The following IGHMBP2 variants were observed in gnomAD, a reference collection of about 807,000 sequenced individuals.
IGHMBP2 encodes immunoglobulin mu DNA binding protein 2.
In IGHMBP2, 81 loss-of-function variants were observed where a neutral mutation model predicts 96.0. The observed-to-expected ratio is 0.84, with a 90% CI of 0.71 to 1.01. IGHMBP2 has a LOEUF of 1.01. Among genes scored for constraint, IGHMBP2 ranks in the 50% least tolerant of loss-of-function variants. The pLI is 0.00. For missense variants in IGHMBP2, 1,227 were observed against 1,306.3 expected (o/e 0.94, Z 0.94); for synonymous variants, 557 against 548.9 (o/e 1.01, Z -0.21).
At chr11:68,919,197 C>A (rs1426802255) in intron 7 of IGHMBP2, among the ~76,000 whole-genome samples, 1 of 151,042 alleles carries the variant, frequency 6.6e-6, no homozygotes, top group Non-Finnish European at 1.5e-5. Flanking sequence ...CTCCCCGTCC[C>A]CGTCCCCGTC....
At chr11:68,910,425 G>A (rs376484572) in intron 4 of IGHMBP2, among the ~76,000 whole-genome samples, 32 of 152,310 alleles carry the variant, frequency 2.1e-4, no homozygotes, top group South Asian at 4.1e-4. Flanking sequence ...ACACCCTGCC[G>A]TCTTCCATGT....
intron 7 of IGHMBP2, among the ~76,000 whole-genome samples, chr11:68,919,114 A>G (rs1048675742): frequency 2.0e-5 from 3 of 151,980 alleles, no homozygotes; most frequent in South Asian, 2.1e-4. Flanking sequence ...TAGAAGTGTT[A>G]TATAGTTTCT....
intron 7 of IGHMBP2, among the ~76,000 whole-genome samples, chr11:68,921,158 T>G (rs1318440198): frequency 1.4e-5 from 2 of 140,098 alleles, no homozygotes; most frequent in Non-Finnish European, 3.0e-5. Context: ...CTCTTCTGCT[T>G]TCTTTTAATT....
intron 4 of IGHMBP2, 147 bp from the exon 5 acceptor site, chr11:68,911,293 A>C (rs1270658564): frequency 1.3e-6 from 1 of 748,744 alleles, no homozygotes; most frequent in Non-Finnish European, 2.3e-6. Flanking sequence ...AAGCAGACTT[A>C]ATTTTGTGTT....
In IGHMBP2 at chr11:68,917,632, G is replaced by A. The variant is rs926778991; in HGVS notation, c.913-104G>A. Reference sequence around the variant, plus strand: ...GGAAGATTTCTGAGTGTTTTTTACGGAGTTTATTGAACTGGACTGAATGAT... The same window carrying A: ...GGAAGATTTCTGAGTGTTTTTTACGAAGTTTATTGAACTGGACTGAATGAT... On this transcript the variant is annotated intron_variant, in intron 6 of 14. Coordinates refer to ENST00000255078, the MANE Select transcript of IGHMBP2 (RefSeq NM_002180.3). 26 of 933,356 alleles carry A rather than the reference G, an allele frequency of 2.8e-5. No homozygotes were observed. In the African/African-American group the frequency reaches 4.3e-4, roughly 15 times the overall value. The allele number at this position is 933,356 out of a possible 1,614,324, so 57.8% of individuals were successfully genotyped here.
At chr11:68,927,864 A>G (rs1859132140) in intron 7 of IGHMBP2, among the ~76,000 whole-genome samples, 1 of 152,136 alleles carries the variant, frequency 6.6e-6, no homozygotes, top group African/African-American at 2.4e-5. Context: ...CGGGGCTGGC[A>G]GGTGCTGGTT....
At position 68,908,524 on chromosome 11, in the gene IGHMBP2, C is replaced by G. The variant is rs1235169506; in HGVS notation, c.450-10C>G. On this transcript the variant is annotated splice_polypyrimidine_tract_variant and intron_variant, in intron 3 of 14. Transcript: ENST00000255078. ...GCAGGTGTTCTAATTTTAGTTTTCT[C>G]CCTTGGCAGAGCCCTGATTGCTCTA... is the stretch of plus-strand genomic sequence containing the variant. 1.9e-6 allele frequency: 3 copies of G among 1,609,776 alleles called. No homozygotes were observed. The highest frequency in any genetic ancestry group is 2.6e-6 in the Non-Finnish European group (3 of 1,176,272).
chr11:68,934,447 T>C lies in IGHMBP2; in HGVS notation c.1538-17T>C. 1 of 1,589,790 alleles carries C rather than the reference T, an allele frequency of 6.3e-7. No individual in the cohort carries two copies. The highest frequency in any genetic ancestry group is 2.3e-5 in the East Asian group (1 of 43,974). ...GGGCGACCTTGTGCTGCTCACCCGT[T>C]CTTTCTTTCCCTCCAGGCGAAGTCC... On this transcript the variant is annotated splice_polypyrimidine_tract_variant and intron_variant, in intron 10 of 14. Coordinates refer to ENST00000255078, the MANE Select transcript of IGHMBP2 (RefSeq NM_002180.3).
Position 68,906,433 on chromosome 11 carries a change from G to A in IGHMBP2, c.256+195G>A, listed in dbSNP as rs555688457. 3 of 640,916 alleles carry A rather than the reference G, an allele frequency of 4.7e-6. No individual in the cohort carries two copies. The East Asian group carries it at 8.4e-5, about 18-fold the overall frequency. The allele number at this position is 640,916 out of a possible 1,614,324, so 39.7% of individuals were successfully genotyped here. A position where few individuals can be genotyped will look rare whatever the true frequency, so the allele number is the denominator to read the frequency against. On this transcript the variant is annotated intron_variant, in intron 2 of 14. Transcript: ENST00000255078. ...GCGTTGTCCAAAATGGTAGCCATTA[G>A]CCATGCGTGGTCATCAAATGTTTGA...
chr11:68,911,459 C>T lies in IGHMBP2; in HGVS notation c.567C>T (p.Asn189=). ...CCACAGACCCGCTGACATTCTTCAA[C>T]ACCTGCCTGGACACCTCCCAGAAAG... The part of the protein sequence containing the change: ...ASEIHPLTFF[N]TCLDTSQKEA... The change falls in exon 5 of 15, where the codon AAC becomes AAT. Residue 189 remains asparagine (N), a synonymous_variant. Coordinates refer to ENST00000255078, the MANE Select transcript of IGHMBP2 (RefSeq NM_002180.3). 1 of 1,614,068 alleles carries T rather than the reference C, an allele frequency of 6.2e-7. No individual in the cohort carries two copies. Among genetic ancestry groups the T allele is most frequent in the Non-Finnish European group, 8.5e-7 (1 of 1,180,014 alleles).
At chr11:68,909,182 G>A (rs1197601268) in intron 4 of IGHMBP2, among the ~76,000 whole-genome samples, 2 of 112,990 alleles carry the variant, frequency 1.8e-5, no homozygotes, top group Non-Finnish European at 3.8e-5. Flanking sequence ...TTGGCGGGGG[G>A]GGTGGAGGGG....
At chr11:68,938,376 C>A (rs755246217) in intron 14 of IGHMBP2, 22 bp downstream of exon 14, 1 of 1,590,332 alleles carries the variant, frequency 6.3e-7, no homozygotes, top group East Asian at 2.3e-5. Flanking sequence ...TCCCCTCCTG[C>A]GATCAAACAG....
intron 10 of IGHMBP2, 100 bp from the exon 11 acceptor site, chr11:68,934,364 C>A: frequency 1.2e-6 from 1 of 829,664 alleles, no homozygotes; most frequent in Non-Finnish European, 2.0e-6. Flanking sequence ...GGAGGATCAG[C>A]TGGCCATGAT....
chr11:68,936,320 T>A lies in IGHMBP2; in HGVS notation c.1840T>A (p.Ser614Thr). 6.2e-7 allele frequency: 1 copy of A among 1,614,206 alleles called. No individual in the cohort carries two copies. Among genetic ancestry groups the A allele is most frequent in the Middle Eastern group, 1.6e-4 (1 of 6,062 alleles). Reference protein sequence around the residue: ...ARRHVAVICDSRTVNNHAFLK... With the variant: ...ARRHVAVICDTRTVNNHAFLK... ...ACGCCACGTGGCGGTCATCTGTGAC[T>A]CCCGTACTGTCAACAACCATGCATT... is the stretch of plus-strand genomic sequence containing the variant. Residue 614 changes from serine to threonine, a missense_variant, in exon 13 of 15, where the codon TCC becomes ACC. By Grantham distance (58) the Ser-to-Thr change is moderately conservative. Transcript: ENST00000255078.
chr11:68,936,233 G>T lies in IGHMBP2; in HGVS notation c.1757-4G>T, dbSNP rs753421132. On this transcript the variant is annotated splice_polypyrimidine_tract_variant and splice_region_variant and intron_variant, in intron 12 of 14. Transcript: ENST00000255078. ...GCTTCTCACTCCCCTCTGGCCTTTT[G>T]TAGGTGAAGTTGGTTTTCTTGCTGA... The T allele has an allele frequency of 6.2e-7, 1 of 1,613,980 alleles. No homozygotes were observed. The highest frequency in any genetic ancestry group is 1.1e-5 in the South Asian group (1 of 91,078).
rs190333281 is a variant in IGHMBP2, at chr11:68,910,058, C to T, written c.548-1382C>T. Among the ~76,000 whole-genome samples, 16 of 152,296 alleles carry T rather than the reference C, an allele frequency of 1.1e-4. No individual in the cohort carries two copies. The East Asian group carries it at 2.9e-3, about 28-fold the overall frequency. On this transcript the variant is annotated intron_variant, in intron 4 of 14. Transcript: ENST00000255078. ...TATTGGACTTGGCCCATTTGTAAAG[C>T]GGTGGCTTTGGCCAAGCCTCATGCA...
In IGHMBP2 at chr11:68,936,627, G is replaced by A; in HGVS notation, c.2147G>A (p.Ser716Asn). 1 of 1,613,800 alleles carries A rather than the reference G, an allele frequency of 6.2e-7. No individual in the cohort carries two copies. The highest frequency in any genetic ancestry group is 1.1e-5 in the South Asian group (1 of 91,078). The change falls in exon 13 of 15, where the codon AGC becomes AAC. Residue 716 changes from serine (S) to asparagine (N), a missense_variant. Ser to Asn is a conservative substitution (Grantham distance 46). Transcript: ENST00000255078. The part of the protein sequence containing the change: ...APSQPSLNGG[S>N]PEGVESQDGV... ...TCTCAGCCCAGCCTCAACGGAGGCAGCCCAGAGGGAGTGGAGAGCCAAGAT... is the reference window on the plus strand; with the variant it reads ...TCTCAGCCCAGCCTCAACGGAGGCAACCCAGAGGGAGTGGAGAGCCAAGAT...
At position 68,908,278 on chromosome 11, in the gene IGHMBP2, A is replaced by C; in HGVS notation, c.390A>C (p.Arg130=). The stretch of plus-strand genomic sequence containing the variant: ...ACGATTTCCAGTTGAGCTTGGACCG[A>C]GAGAATTCCTACAGACTGTTAAAAC... ...ESHDFQLSLD[R]ENSYRLLKLA... is the part of the protein sequence containing the mutation. Residue 130 remains arginine (R), a synonymous_variant, in exon 3 of 15, where the codon CGA becomes CGC. Transcript: ENST00000255078. 6.2e-7 allele frequency: 1 copy of C among 1,614,154 alleles called. No homozygotes were observed. Among genetic ancestry groups the C allele is most frequent in the Non-Finnish European group, 8.5e-7 (1 of 1,180,026 alleles).
intron 5 of IGHMBP2, 133 bp from the exon 6 acceptor site, chr11:68,914,690 C>A: frequency 1.0e-6 from 1 of 956,572 alleles, no homozygotes; most frequent in Non-Finnish European, 1.7e-6. Flanking sequence ...AAAATGAATG[C>A]AAGATTTGAT....
Sources: gnomAD v4.1 joint callset for allele counts (sites outside exome capture counted in the v4.1 genomes callset) on GRCh38, gnomAD v4.1.1 for gene constraint, MANE v1.5 for transcripts, NCBI Gene and HGNC (gene_info 2026-07-23, HGNC 2026-07-21) for gene names.